SCPEP1: variants seen among roughly 807,000 people sequenced by gnomAD.
SCPEP1 encodes the protein serine carboxypeptidase 1.
A neutral mutation model predicts 63.8 loss-of-function variants in SCPEP1; 51 were observed. That is an observed-to-expected ratio of 0.80 (90% CI 0.64 to 1.01). SCPEP1 has a LOEUF of 1.01. Among genes scored for constraint, SCPEP1 ranks in the 50% least tolerant of loss-of-function variants. The probability of loss-of-function intolerance (pLI) is 0.00; values close to 1 mark genes in which losing one functional copy is unlikely to be tolerated. For missense variants in SCPEP1, 499 were observed against 554.9 expected, an observed-to-expected ratio of 0.90 and a Z score of 1.01; for synonymous variants, 204 against 207.8, an observed-to-expected ratio of 0.98 and a Z score of 0.16.
chr17:56,998,378 G>C lies in SCPEP1; in HGVS notation c.881-7G>C, dbSNP rs1567868951. On this transcript the variant is annotated splice_polypyrimidine_tract_variant and splice_region_variant and intron_variant, in intron 9 of 12. Coordinates refer to ENST00000262288, the MANE Select transcript of SCPEP1 (RefSeq NM_021626.3). ...CTTTGACTCACTATCTACCAGTTTG[G>C]TTTTAGTTTGTCTTTGTCAGCGCCA... 6 of 1,610,474 alleles carry C rather than the reference G, an allele frequency of 3.7e-6. No individual in the cohort carries two copies. The highest frequency in any genetic ancestry group is 1.7e-4 in the Middle Eastern group (1 of 6,048).
rs541136339 is a variant in SCPEP1, at chr17:56,994,821, G to A, written c.620-160G>A. 6.4e-4 allele frequency: 369 copies of A among 577,832 alleles called. 3 individuals are homozygous for A. The South Asian group carries it at 7.1e-3, about 11-fold the overall frequency. 35.8% of individuals were successfully genotyped at this position (577,832 alleles called of 1,614,324 possible). The stretch of plus-strand genomic sequence containing the variant: ...CTTCCAGACACTGAGACATCAGCCC[G>A]CCTCCTGCATGGGTACAGGTGAATT... On this transcript the variant is annotated intron_variant, in intron 6 of 12. Coordinates refer to ENST00000262288, the MANE Select transcript of SCPEP1 (RefSeq NM_021626.3).
chr17:56,986,843 C>T (rs528449801), intron 3 of SCPEP1, among the ~76,000 whole-genome samples: 18 of 152,350 alleles, frequency 1.2e-4, no homozygotes, highest in African/African-American at 4.3e-4. Context: ...CCGTGCGCGG[C>T]CTCTGGTCTT....
At chr17:56,995,352 A>C (rs919103182) in intron 7 of SCPEP1, 155 bp from the exon 8 acceptor site, 1 of 751,520 alleles carries the variant, frequency 1.3e-6, no homozygotes, top group African/African-American at 1.8e-5. Context: ...GCTGTGTTTC[A>C]TCCAATAAAC....
At chr17:56,985,348 A>G (rs1911183435) in intron 2 of SCPEP1, 30 bp from the exon 3 acceptor site, 1 of 1,577,246 alleles carries the variant, frequency 6.3e-7, no homozygotes, top group South Asian at 1.1e-5. Context: ...TCTGACTAAA[A>G]TTTTTGTTTG....
At position 56,990,160 on chromosome 17, in the gene SCPEP1, A is replaced by G. The variant is rs949820567; in HGVS notation, c.547-939A>G. On this transcript the variant is annotated intron_variant, in intron 5 of 12. Transcript: ENST00000262288. ...GAGATAACTTTGTTTGTAAGTCAAA[A>G]ACACTTCCATATGTGGAGATAGATT... Among the ~76,000 whole-genome samples, 6 of 152,220 alleles carry G rather than the reference A, an allele frequency of 3.9e-5. 1 individual carries two copies. The South Asian group carries it at 6.2e-4, about 16-fold the overall frequency.
At chr17:56,997,981 C>T in intron 9 of SCPEP1, 1 of 167,104 alleles carries the variant, frequency 6.0e-6, no homozygotes, top group Non-Finnish European at 1.3e-5. Flanking sequence ...AATCTGAAAC[C>T]CTCCCTCTTG....
At chr17:56,978,318 G>C in intron 1 of SCPEP1, 83 bp downstream of exon 1, 1 of 1,408,966 alleles carries the variant, frequency 7.1e-7, no homozygotes, top group Non-Finnish European at 9.3e-7. Context: ...TTGTGCTTTT[G>C]AAAACATGTC....
At chr17:56,978,856 TG>T (rs1910989940) in intron 1 of SCPEP1, among the ~76,000 whole-genome samples, 1 of 152,212 alleles carries the variant, frequency 6.6e-6, no homozygotes, top group South Asian at 2.1e-4. Context: ...TGAACAGTTT[TG>T]TTTTCCTTTT....
At chr17:56,989,763 A>T (rs949682579) in intron 5 of SCPEP1, among the ~76,000 whole-genome samples, 1 of 152,182 alleles carries the variant, frequency 6.6e-6, no homozygotes, top group African/African-American at 2.4e-5. Context: ...CCTAGCCAAC[A>T]TGGTGAAACC....
rs1911748320 is a variant in SCPEP1 at position 57,001,880 on chromosome 17, G to A, written c.1133-138G>A. On this transcript the variant is annotated intron_variant, in intron 11 of 12. Coordinates refer to ENST00000262288, the MANE Select transcript of SCPEP1 (RefSeq NM_021626.3). ...GGCCCTACCCTGATCTTCTGAATCA[G>A]AATTTGCATTTTAACAAGATCCTGA... is the stretch of plus-strand genomic sequence containing the variant. 7 of 890,950 alleles carry A rather than the reference G, an allele frequency of 7.9e-6. No homozygotes were observed. The East Asian group carries it at 1.7e-4, about 22-fold the overall frequency. 55.2% of individuals were successfully genotyped at this position (890,950 alleles called of 1,614,324 possible). A position where few individuals can be genotyped will look rare whatever the true frequency, so the allele number is the denominator to read the frequency against.
intron 12 of SCPEP1, among the ~76,000 whole-genome samples, chr17:57,002,488 G>T (rs950164405): frequency 1.3e-5 from 2 of 152,218 alleles, no homozygotes; most frequent in Non-Finnish European, 1.5e-5. Flanking sequence ...GGCTGAGACG[G>T]GTGGATCGCT....
chr17:56,995,408 C>G, intron 7 of SCPEP1, 99 bp from the exon 8 acceptor site: 1 of 1,308,966 alleles, frequency 7.6e-7, no homozygotes, highest in Non-Finnish European at 1.1e-6. Context: ...TCCCGTTCTC[C>G]TTCCTTCCCC....
At chr17:56,992,299 A>G (rs921008207) in intron 6 of SCPEP1, among the ~76,000 whole-genome samples, 1 of 152,184 alleles carries the variant, frequency 6.6e-6, no homozygotes, top group Non-Finnish European at 1.5e-5. Context: ...TCTGCAGGGT[A>G]GGACTGAAGT....
At chr17:56,988,158 TG>T in intron 4 of SCPEP1, 57 bp from the exon 5 acceptor site, 1 of 1,339,438 alleles carries the variant, frequency 7.5e-7, no homozygotes, top group South Asian at 1.3e-5. Flanking sequence ...GAAATTAATT[TG>T]TGTGACTCAA....
intron 1 of SCPEP1, among the ~76,000 whole-genome samples, chr17:56,980,143 C>G (rs994894635): frequency 6.6e-6 from 1 of 152,078 alleles, no homozygotes; most frequent in African/African-American, 2.4e-5. Context: ...GAGATAGGAT[C>G]TCCCTCTGTC....
At chr17:56,988,164 A>G in intron 4 of SCPEP1, 52 bp from the exon 5 acceptor site, 1 of 1,367,822 alleles carries the variant, frequency 7.3e-7, no homozygotes, top group South Asian at 1.2e-5. Flanking sequence ...AATTTGTGTG[A>G]CTCAAAAAGC....
At chr17:56,978,271 C>A in intron 1 of SCPEP1, 36 bp downstream of exon 1, 1 of 1,505,806 alleles carries the variant, frequency 6.6e-7, no homozygotes, top group Non-Finnish European at 8.9e-7. Context: ...GCTGCCATGC[C>A]TCTTTTTTCT....
At chr17:56,981,744 C>G (rs1251855750) in intron 2 of SCPEP1, among the ~76,000 whole-genome samples, 1 of 152,152 alleles carries the variant, frequency 6.6e-6, no homozygotes, top group Non-Finnish European at 1.5e-5. Context: ...ATTGCTTGGA[C>G]CCGGGAGGCG....
Position 57,006,304 on chromosome 17 carries a change from G to A in SCPEP1, c.*69G>A, listed in dbSNP as rs900906738. 8.1e-7 allele frequency: 1 copy of A among 1,228,308 alleles called. No individual in the cohort carries two copies. Among genetic ancestry groups the A allele is most frequent in the Non-Finnish European group, 1.1e-6 (1 of 881,154 alleles). The allele number at this position is 1,228,308 out of a possible 1,614,324, so 76.1% of individuals were successfully genotyped here. ...GAGCTGAGCTGAGGCCGCTGAAGCTGTAGGAAGCGCCATTCTTCCCTGTAT... is the reference window on the plus strand; with the variant it reads ...GAGCTGAGCTGAGGCCGCTGAAGCTATAGGAAGCGCCATTCTTCCCTGTAT... On this transcript the variant is annotated 3_prime_UTR_variant, in exon 13 of 13. Coordinates refer to ENST00000262288, the MANE Select transcript of SCPEP1 (RefSeq NM_021626.3).
Sources: gnomAD v4.1 joint callset for allele counts (sites outside exome capture counted in the v4.1 genomes callset) on GRCh38, gnomAD v4.1.1 for gene constraint, MANE v1.5 for transcripts, NCBI Gene and HGNC (gene_info 2026-07-23, HGNC 2026-07-21) for gene names.